RABGAP1L: variants seen among roughly 807,000 people sequenced by gnomAD.
RABGAP1L encodes RAB GTPase activating protein 1 like, also known as rab GTPase-activating protein 1-like.
A neutral mutation model predicts 137.7 loss-of-function variants in RABGAP1L; 63 were observed. The ratio of observed to expected loss-of-function variants is 0.46; its 90% CI spans 0.37 to 0.56. The LOEUF is 0.56. Ranked by LOEUF, RABGAP1L falls within the 20% of genes least tolerant of loss-of-function variation. The pLI is 0.00. For missense variants in RABGAP1L, 1,095 were observed against 1,244.0 expected (o/e 0.88, Z 1.80); for synonymous variants, 431 against 433.7 (o/e 0.99, Z 0.08).
rs1159943230 is a variant in RABGAP1L, at chr1:174,993,536, T to C, written c.*3535T>C. 1 of 152,220 alleles carries C rather than the reference T, an allele frequency of 6.6e-6. No homozygotes were observed. The highest frequency in any genetic ancestry group is 6.5e-5 in the Admixed American group (1 of 15,272). 9.4% of individuals were successfully genotyped at this position (152,220 alleles called of 1,614,324 possible). A position where few individuals can be genotyped will look rare whatever the true frequency, so the allele number is the denominator to read the frequency against. On this transcript the variant is annotated 3_prime_UTR_variant, in exon 26 of 26. Coordinates refer to ENST00000681986, the MANE Select transcript of RABGAP1L (RefSeq NM_001366446.1). The stretch of plus-strand genomic sequence containing the variant: ...AAACCAACGGAAAACAATACAGATT[T>C]GGGCAGAGGAGATAGAGTTACATCT...
chr1:174,385,100 G>C (rs980954638), intron 12 of RABGAP1L, among the ~76,000 whole-genome samples: 1 of 152,162 alleles, frequency 6.6e-6, no homozygotes, highest in African/African-American at 2.4e-5. Flanking sequence ...TGGATTATAA[G>C]GGAACAAAGG....
intron 13 of RABGAP1L, among the ~76,000 whole-genome samples, chr1:174,615,372 A>G (rs146414798): frequency 0.023 from 3,444 of 152,340 alleles, 62 homozygotes; most frequent in Middle Eastern, 0.085. Context: ...TATCAGCAGC[A>G]GTGGCTGCAG....
intron 24 of RABGAP1L, among the ~76,000 whole-genome samples, chr1:174,984,894 T>G (rs1310069730): frequency 6.6e-6 from 1 of 152,176 alleles, no homozygotes; most frequent in Non-Finnish European, 1.5e-5. Context: ...TAGAGAGAAG[T>G]GTTTAAACAG....
intron 19 of RABGAP1L, among the ~76,000 whole-genome samples, chr1:174,956,343 G>A (rs1668521618): frequency 6.6e-6 from 1 of 152,052 alleles, no homozygotes; most frequent in South Asian, 2.1e-4. Flanking sequence ...GACTATAGAT[G>A]TGCACCACTG....
At chr1:174,691,250 A>G (rs1211746806) in intron 15 of RABGAP1L, among the ~76,000 whole-genome samples, 1 of 152,228 alleles carries the variant, frequency 6.6e-6, no homozygotes, top group Non-Finnish European at 1.5e-5. Context: ...TTAGTTTTAC[A>G]CTAACTATGG....
intron 13 of RABGAP1L, among the ~76,000 whole-genome samples, chr1:174,566,823 A>C (rs745671959): frequency 1.3e-5 from 2 of 152,126 alleles, no homozygotes; most frequent in African/African-American, 2.4e-5. Context: ...TTTTACAGTT[A>C]TGATAGTTTT....
intron 13 of RABGAP1L, among the ~76,000 whole-genome samples, chr1:174,527,901 C>CTTTTTTTTTTTTTTTTTTTTTTCTT (rs57707616): frequency 8.0e-6 from 1 of 124,848 alleles, no homozygotes. Context: ...ATATACTTGT[C>CTTTTTTTTTTTTTTTTTTTTTTCTT]TTTTTTTTTT....
intron 17 of RABGAP1L, among the ~76,000 whole-genome samples, chr1:174,716,578 T>G (rs1326983476): frequency 6.6e-6 from 1 of 152,248 alleles, no homozygotes; most frequent in Non-Finnish European, 1.5e-5. Context: ...AAAAGAGGCA[T>G]AATAGGACCT....
chr1:174,564,912 A>G (rs1667468797), intron 13 of RABGAP1L, among the ~76,000 whole-genome samples: 1 of 151,800 alleles, frequency 6.6e-6, no homozygotes, highest in African/African-American at 2.4e-5. Context: ...CCCAAATACA[A>G]TACAACTCCC....
intron 13 of RABGAP1L, among the ~76,000 whole-genome samples, chr1:174,491,148 A>G (rs1011363578): frequency 6.6e-6 from 1 of 152,028 alleles, no homozygotes; most frequent in Non-Finnish European, 1.5e-5. Context: ...GGAGTCTGTC[A>G]TCATAGCTAC....
At chr1:174,666,779 T>G (rs1299608279) in intron 14 of RABGAP1L, among the ~76,000 whole-genome samples, 1 of 152,150 alleles carries the variant, frequency 6.6e-6, no homozygotes, top group Non-Finnish European at 1.5e-5. Context: ...AAGGTTTGTG[T>G]GTGAGGGAGC....
At chr1:174,925,490 A>G (rs1662628255) in intron 19 of RABGAP1L, among the ~76,000 whole-genome samples, 1 of 150,870 alleles carries the variant, frequency 6.6e-6, no homozygotes, top group South Asian at 2.1e-4. Context: ...ATAAGAGGAG[A>G]GTGGAGGAGA....
At chr1:174,280,395 A>G (rs1407330820) in intron 10 of RABGAP1L, among the ~76,000 whole-genome samples, 3 of 152,222 alleles carry the variant, frequency 2.0e-5, no homozygotes, top group African/African-American at 7.2e-5. Context: ...TTCAGTTCTA[A>G]GTGATTTAGA....
At chr1:174,791,807 A>G (rs57146500) in intron 18 of RABGAP1L, among the ~76,000 whole-genome samples, 10,951 of 152,186 alleles carry the variant, frequency 0.072, 1,358 homozygotes, top group African/African-American at 0.25. Flanking sequence ...CATCTGGAAA[A>G]GAAAGTGCTT....
intron 1 of RABGAP1L, among the ~76,000 whole-genome samples, chr1:174,196,585 T>G (rs2148368391): frequency 6.6e-6 from 1 of 151,450 alleles, no homozygotes. Flanking sequence ...CTTTTTTTTT[T>G]TTTTCTCTTT....
At chr1:174,554,591 T>C (rs1454199237) in intron 13 of RABGAP1L, among the ~76,000 whole-genome samples, 1 of 152,192 alleles carries the variant, frequency 6.6e-6, no homozygotes, top group African/African-American at 2.4e-5. Context: ...GTTTGTTTTT[T>C]ATTTATACAC....
At chr1:174,819,240 G>A (rs1199167670) in intron 19 of RABGAP1L, among the ~76,000 whole-genome samples, 1 of 144,680 alleles carries the variant, frequency 6.9e-6, no homozygotes, top group South Asian at 2.3e-4. Context: ...CTGAGAGTAA[G>A]TATGGGAGAG....
At chr1:174,255,681 C>T (rs939085454) in intron 7 of RABGAP1L, among the ~76,000 whole-genome samples, 7 of 152,154 alleles carry the variant, frequency 4.6e-5, no homozygotes, top group African/African-American at 1.2e-4. Context: ...TGCCCTACAA[C>T]GCCTGGCTAA....
At chr1:174,804,249 T>TTGTTTG (rs1160301049) in intron 18 of RABGAP1L, among the ~76,000 whole-genome samples, 2 of 83,152 alleles carry the variant, frequency 2.4e-5, no homozygotes, top group African/African-American at 5.5e-5. Flanking sequence ...CGGATGTTTT[T>TTGTTTG]TTTTTGTTTG....
Sources: allele counts gnomAD v4.1 joint callset (sites outside exome capture counted in the v4.1 genomes callset), GRCh38; gene constraint gnomAD v4.1.1; transcripts MANE v1.5; gene names NCBI Gene and HGNC (gene_info 2026-07-23, HGNC 2026-07-21).